The following GRIA1 variants were observed in gnomAD, a reference collection of about 807,000 sequenced individuals.
GRIA1 encodes glutamate ionotropic receptor AMPA type subunit 1.
In GRIA1, 31 loss-of-function variants were observed where a neutral mutation model predicts 99.2. That is an observed-to-expected ratio of 0.31 (90% confidence interval 0.23 to 0.42). The LOEUF (loss-of-function observed/expected upper bound fraction) is 0.42. Among genes scored for constraint, GRIA1 ranks in the 10% least tolerant of loss-of-function variants. GRIA1 has a pLI of 1.00. For synonymous variants in GRIA1, 438 were observed against 432.4 expected (o/e 1.01, Z -0.16); for missense variants, 782 against 1,157.5 (o/e 0.68, Z 4.71).
At chr5:153,516,759 G>A (rs541959692) in intron 2 of GRIA1, among the ~76,000 whole-genome samples, 1 of 152,264 alleles carries the variant, frequency 6.6e-6, no homozygotes, top group Admixed American at 6.5e-5. Flanking sequence ...GGCAGCATGG[G>A]GGCGTATTGT....
At chr5:153,683,505 T>A (rs1757130908) in intron 7 of GRIA1, among the ~76,000 whole-genome samples, 5 of 152,276 alleles carry the variant, frequency 3.3e-5, no homozygotes, top group Admixed American at 3.3e-4. Flanking sequence ...TGGGTTTCTG[T>A]GAACATGAAA....
chr5:153,748,834 G>T (rs1436931958), intron 11 of GRIA1, among the ~76,000 whole-genome samples: 6 of 152,098 alleles, frequency 3.9e-5, no homozygotes, highest in African/African-American at 1.4e-4. Context: ...TTTTGTGAGG[G>T]TTCATTGAGA....
At chr5:153,624,760 T>A (rs992514032) in intron 2 of GRIA1, among the ~76,000 whole-genome samples, 1 of 152,166 alleles carries the variant, frequency 6.6e-6, no homozygotes, top group Non-Finnish European at 1.5e-5. Context: ...GATTAGATAA[T>A]CACGTGGAAA....
chr5:153,809,154 A>G (rs1210538291), intron 15 of GRIA1, among the ~76,000 whole-genome samples: 3 of 152,216 alleles, frequency 2.0e-5, no homozygotes, highest in African/African-American at 7.2e-5. Context: ...AAGTTTCCAT[A>G]TTTCCCACAG....
intron 11 of GRIA1, among the ~76,000 whole-genome samples, chr5:153,729,597 C>T (rs1334268156): frequency 1.3e-5 from 2 of 151,906 alleles, no homozygotes; most frequent in African/African-American, 4.8e-5. Flanking sequence ...CCTTGAACCA[C>T]AGAGCAAACA....
intron 2 of GRIA1, among the ~76,000 whole-genome samples, chr5:153,617,297 G>A (rs186435574): frequency 3.3e-5 from 5 of 152,332 alleles, no homozygotes; most frequent in Non-Finnish European, 7.3e-5. Flanking sequence ...GTATGTGCCT[G>A]ATGGCTATGT....
At chr5:153,663,497 CCTG>C (rs1412449741) in intron 5 of GRIA1, among the ~76,000 whole-genome samples, 6 of 152,306 alleles carry the variant, frequency 3.9e-5, no homozygotes, top group Middle Eastern at 3.4e-3. Context: ...AGTCACTTCT[CCTG>C]TTTGTACCTC....
chr5:153,675,139 C>T (rs574854420), intron 6 of GRIA1, among the ~76,000 whole-genome samples: 83 of 152,236 alleles, frequency 5.5e-4, no homozygotes, highest in African/African-American at 1.5e-3. Context: ...TGCTATTGAT[C>T]GTATCTTGGA....
At position 153,528,838 on chromosome 5, in the gene GRIA1, T is replaced by C. The variant is rs540047191; in HGVS notation, c.220+34773T>C. Among the ~76,000 whole-genome samples, 257 of 152,308 alleles carry C rather than the reference T, an allele frequency of 1.7e-3. 2 individuals are homozygous for C. The highest frequency in any genetic ancestry group is 5.7e-3 in the African/African-American group (235 of 41,568). ...CTGTCTTCAGGCATTGTCTCACTGG[T>C]CCCTGGCCCAGTCTGTCAATCAGCT... On this transcript the variant is annotated intron_variant, in intron 2 of 15. Coordinates refer to ENST00000285900, the MANE Select transcript of GRIA1 (RefSeq NM_000827.4).
At chr5:153,494,663 A>G (rs1453760020) in intron 2 of GRIA1, among the ~76,000 whole-genome samples, 2 of 152,220 alleles carry the variant, frequency 1.3e-5, no homozygotes, top group Admixed American at 6.5e-5. Context: ...GGTGGCCTCA[A>G]GAAGAAGGGA....
At chr5:153,776,353 G>T (rs969753417) in intron 13 of GRIA1, among the ~76,000 whole-genome samples, 1 of 152,112 alleles carries the variant, frequency 6.6e-6, no homozygotes, top group Non-Finnish European at 1.5e-5. Flanking sequence ...CCTGCCTAAG[G>T]CTTGACTGGG....
intron 11 of GRIA1, among the ~76,000 whole-genome samples, chr5:153,748,175 C>T (rs1471222800): frequency 6.6e-6 from 1 of 151,928 alleles, no homozygotes; most frequent in Non-Finnish European, 1.5e-5. Context: ...TTGATAAGTG[C>T]TATGAAAGAA....
chr5:153,786,726 C>A (rs145532197), intron 13 of GRIA1, among the ~76,000 whole-genome samples: 1 of 152,228 alleles, frequency 6.6e-6, no homozygotes, highest in Non-Finnish European at 1.5e-5. Flanking sequence ...AAGGAAAGGT[C>A]AATGAGAAAT....
chr5:153,790,867 T>C (rs1173800206), intron 13 of GRIA1, among the ~76,000 whole-genome samples: 1 of 152,218 alleles, frequency 6.6e-6, no homozygotes, highest in Non-Finnish European at 1.5e-5. Flanking sequence ...GCTTCTGCTA[T>C]CCAAGACCCC....
chr5:153,699,241 T>C (rs1758334100), intron 10 of GRIA1, among the ~76,000 whole-genome samples, 168 bp downstream of exon 10: 1 of 152,194 alleles, frequency 6.6e-6, no homozygotes, highest in South Asian at 2.1e-4. Context: ...TCAGACACTC[T>C]TTGTTCAGGT....
At chr5:153,724,292 G>GA (rs1676816733) in intron 11 of GRIA1, among the ~76,000 whole-genome samples, 1 of 107,188 alleles carries the variant, frequency 9.3e-6, no homozygotes, top group Admixed American at 9.7e-5. Context: ...CACAAAGATG[G>GA]GGAAAAAAAC....
At chr5:153,775,036 G>A (rs553502443) in intron 13 of GRIA1, among the ~76,000 whole-genome samples, 4 of 152,204 alleles carry the variant, frequency 2.6e-5, no homozygotes, top group Non-Finnish European at 5.9e-5. Context: ...AAGCCCTCAG[G>A]TTGTAGATAA....
chr5:153,717,581 G>A (rs146654111), intron 11 of GRIA1, among the ~76,000 whole-genome samples: 2 of 152,200 alleles, frequency 1.3e-5, no homozygotes, highest in Non-Finnish European at 2.9e-5. Flanking sequence ...CCAATACCAT[G>A]ACTTTTGGGG....
rs1581518965 is a variant in GRIA1, at chr5:153,712,322, T to C, written c.1823+6255T>C. ...ACCTCAGACTCCCAAAGTGCTGGGA[T>C]TACAGGCATGAGCCACTGTGCCCAG... On this transcript the variant is annotated intron_variant, in intron 11 of 15. Transcript: ENST00000285900. Among the ~76,000 whole-genome samples, 3 of 152,314 alleles carry C rather than the reference T, an allele frequency of 2.0e-5. No individual in the cohort carries two copies. The South Asian group carries it at 6.2e-4, about 32-fold the overall frequency.
Sources: gnomAD v4.1 joint callset for allele counts (sites outside exome capture counted in the v4.1 genomes callset) on GRCh38, gnomAD v4.1.1 for gene constraint, MANE v1.5 for transcripts, NCBI Gene and HGNC (gene_info 2026-07-23, HGNC 2026-07-21) for gene names.